GRID2: variants seen among roughly 807,000 people sequenced by gnomAD.
The protein encoded by GRID2 is glutamate ionotropic receptor delta type subunit 2, also known as glutamate receptor ionotropic, delta-2.
GRID2 carries 33 observed loss-of-function variants against 114.8 expected under a neutral mutation model. The observed-to-expected ratio is 0.29, with a 90% CI of 0.22 to 0.38. The LOEUF (loss-of-function observed/expected upper bound fraction) is 0.38. GRID2 is among the 10% of genes least tolerant of loss of function. The pLI, the probability that GRID2 is intolerant of heterozygous loss-of-function variation, is 1.00. For missense variants in GRID2, 1,184 were observed against 1,257.7 expected, an observed-to-expected ratio of 0.94 and a Z score of 0.89; for synonymous variants, 505 against 449.9, an observed-to-expected ratio of 1.12 and a Z score of -1.55.
intron 1 of GRID2, among the ~76,000 whole-genome samples, chr4:92,411,238 T>TA (rs1278604109): frequency 6.6e-6 from 1 of 152,154 alleles, no homozygotes; most frequent in Non-Finnish European, 1.5e-5. Flanking sequence ...TTTGACACCT[T>TA]ACTTCTCCTC....
intron 2 of GRID2, among the ~76,000 whole-genome samples, chr4:92,900,432 T>C (rs1283569998): frequency 1.3e-5 from 2 of 152,208 alleles, no homozygotes; most frequent in Non-Finnish European, 2.9e-5. Context: ...CACCCAGTGT[T>C]TGCTATTTCA....
chr4:92,617,115 C>CTA lies in GRID2; in HGVS notation c.244+26837_244+26838dup, dbSNP rs572573037. 8.0e-4 allele frequency among the ~76,000 whole-genome samples: 121 copies of CTA among 151,348 alleles called. 1 individual carries two copies. The highest frequency in any genetic ancestry group is 1.3e-3 in the Admixed American group (20 of 15,128). On this transcript the variant is annotated intron_variant, in intron 2 of 15. Coordinates refer to ENST00000282020, the MANE Select transcript of GRID2 (RefSeq NM_001510.4). ...AAACTATATAATATATAGTTTCAAA[C>CTA]TATATATATCCTACAGTGCTATAGT...
intron 2 of GRID2, among the ~76,000 whole-genome samples, chr4:92,802,691 A>G (rs1167810848): frequency 6.6e-6 from 1 of 151,844 alleles, no homozygotes. Context: ...TGGGCTCCCT[A>G]TTGTGTTTCC....
rs190837693 is a variant in GRID2, at chr4:93,225,956, G to A, written c.1125+1181G>A. Among the ~76,000 whole-genome samples, 375 of 152,250 alleles carry A rather than the reference G, an allele frequency of 2.5e-3. 2 individuals carry two copies. Among genetic ancestry groups the A allele is most frequent in the African/African-American group, 8.5e-3 (353 of 41,552 alleles). On this transcript the variant is annotated intron_variant, in intron 7 of 15. Coordinates refer to ENST00000282020, the MANE Select transcript of GRID2 (RefSeq NM_001510.4). ...TGCACAAGATAGAGCGAAAAAGGGG[G>A]CCAAGACTTCCTGGATAACTAATCC... is the stretch of plus-strand genomic sequence containing the variant.
In GRID2 at chr4:92,336,508, T is replaced by C. The variant is rs1727171699; in HGVS notation, c.88+31764T>C. On this transcript the variant is annotated intron_variant, in intron 1 of 15. Transcript: ENST00000282020. Reference sequence around the variant, plus strand: ...TACTATTCCATAGCCAGAGTTCCCATCATCTCTGACTTTGGCTGCTGCAGT... The same window carrying C: ...TACTATTCCATAGCCAGAGTTCCCACCATCTCTGACTTTGGCTGCTGCAGT... Among the ~76,000 whole-genome samples the C allele has an allele frequency of 2.0e-5, 3 of 152,192 alleles. No individual in the cohort carries two copies. In the South Asian group the frequency reaches 6.2e-4, roughly 31 times the overall value.
Position 93,484,729 on chromosome 4 carries a change from G to A in GRID2, c.1859-5910G>A, listed in dbSNP as rs569315146. Among the ~76,000 whole-genome samples the A allele has an allele frequency of 2.6e-5, 4 of 151,988 alleles. No individual in the cohort carries two copies. The South Asian group carries it at 6.2e-4, about 24-fold the overall frequency. On this transcript the variant is annotated intron_variant, in intron 11 of 15. Transcript: ENST00000282020. ...TATAGTTGGCTGAAACTCTGTGATT[G>A]GTACAAGAGTAGGTTACAGTCTGTT...
chr4:92,447,677 G>A (rs1169049702), intron 1 of GRID2, among the ~76,000 whole-genome samples: 4 of 152,162 alleles, frequency 2.6e-5, no homozygotes, highest in Non-Finnish European at 4.4e-5. Flanking sequence ...CAAAATCACA[G>A]TGCTTGCAGA....
At chr4:93,375,612 A>G (rs946883551) in intron 8 of GRID2, among the ~76,000 whole-genome samples, 11 of 152,100 alleles carry the variant, frequency 7.2e-5, no homozygotes, top group African/African-American at 2.7e-4. Flanking sequence ...AGCACTTGCT[A>G]TTTCACCATC....
chr4:92,937,032 T>C (rs1260457561), intron 2 of GRID2, among the ~76,000 whole-genome samples: 1 of 146,362 alleles, frequency 6.8e-6, no homozygotes, highest in Admixed American at 7.4e-5. Flanking sequence ...AAAATAACTG[T>C]TTTTCTCTGT....
chr4:92,431,953 G>A (rs1013663743), intron 1 of GRID2, among the ~76,000 whole-genome samples: 2 of 152,198 alleles, frequency 1.3e-5, no homozygotes, highest in African/African-American at 4.8e-5. Flanking sequence ...TCTGCATTGG[G>A]GGAACCCCAA....
chr4:92,982,045 A>AAT (rs1304096856), intron 2 of GRID2, among the ~76,000 whole-genome samples: 1 of 108,864 alleles, frequency 9.2e-6, no homozygotes, highest in Non-Finnish European at 2.0e-5. Context: ...AAAAAAAAAA[A>AAT]GAAAAAGAAA....
chr4:92,550,117 G>A (rs1462065421), intron 1 of GRID2, among the ~76,000 whole-genome samples: 1 of 152,052 alleles, frequency 6.6e-6, no homozygotes, highest in Non-Finnish European at 1.5e-5. Context: ...AGTATATAGA[G>A]CCACTGATTT....
intron 2 of GRID2, among the ~76,000 whole-genome samples, chr4:92,654,679 T>C (rs1270989785): frequency 6.6e-6 from 1 of 152,046 alleles, no homozygotes. Flanking sequence ...AAGCATTTTT[T>C]TCATATCTCT....
chr4:92,799,571 G>T (rs1393660393), intron 2 of GRID2, among the ~76,000 whole-genome samples: 2 of 151,874 alleles, frequency 1.3e-5, no homozygotes, highest in Non-Finnish European at 2.9e-5. Flanking sequence ...TTTTCTTCGT[G>T]TGCACATCCC....
At chr4:93,597,307 T>C (rs1057035019) in intron 13 of GRID2, among the ~76,000 whole-genome samples, 1 of 152,226 alleles carries the variant, frequency 6.6e-6, no homozygotes, top group Non-Finnish European at 1.5e-5. Context: ...GATAAGCTGT[T>C]ACTTGAAGTA....
intron 13 of GRID2, among the ~76,000 whole-genome samples, chr4:93,584,134 C>T (rs1356450324): frequency 1.3e-5 from 2 of 152,022 alleles, no homozygotes; most frequent in African/African-American, 2.4e-5. Flanking sequence ...TCTAGAAGTT[C>T]CTTGACTTAC....
At chr4:92,931,498 T>A (rs971643144) in intron 2 of GRID2, among the ~76,000 whole-genome samples, 1 of 150,680 alleles carries the variant, frequency 6.6e-6, no homozygotes, top group Non-Finnish European at 1.5e-5. Flanking sequence ...AGAAAAAAAA[T>A]AAATATGATA....
intron 11 of GRID2, among the ~76,000 whole-genome samples, chr4:93,466,512 T>G (rs555546751): frequency 1.5e-3 from 231 of 152,272 alleles, no homozygotes; most frequent in African/African-American, 5.2e-3. Context: ...CACTTTTAAC[T>G]GCATGCAGAT....
At chr4:93,478,755 A>G (rs546165783) in intron 11 of GRID2, among the ~76,000 whole-genome samples, 52 of 152,170 alleles carry the variant, frequency 3.4e-4, no homozygotes, top group African/African-American at 1.1e-3. Flanking sequence ...CACAAATAAT[A>G]TAAAAGTGGT....
Sources: gnomAD v4.1 joint callset for allele counts (sites outside exome capture counted in the v4.1 genomes callset) on GRCh38, gnomAD v4.1.1 for gene constraint, MANE v1.5 for transcripts, NCBI Gene and HGNC (gene_info 2026-07-23, HGNC 2026-07-21) for gene names.